Variants in SFMBT1 observed in about 807,000 individuals in gnomAD.
The protein encoded by SFMBT1 is scm-like with four MBT domains protein 1.
A neutral mutation model predicts 108.7 loss-of-function variants in SFMBT1; 32 were observed. The observed-to-expected ratio is 0.29, with a 90% CI of 0.22 to 0.40. The LOEUF (loss-of-function observed/expected upper bound fraction) is 0.40. Ranked by LOEUF, SFMBT1 falls within the 10% of genes least tolerant of loss-of-function variation. The pLI is 1.00. For missense variants in SFMBT1, 816 were observed against 1,059.6 expected (o/e 0.77, Z 3.19); for synonymous variants, 348 against 369.5 (o/e 0.94, Z 0.67).
At chr3:52,959,379 T>C (rs1360283508) in intron 2 of SFMBT1, among the ~76,000 whole-genome samples, 1 of 152,148 alleles carries the variant, frequency 6.6e-6, no homozygotes, top group Non-Finnish European at 1.5e-5. Context: ...ACCTTTCAAT[T>C]ACACTTAAAA....
chr3:52,944,483 T>G (rs1438500441), intron 3 of SFMBT1, among the ~76,000 whole-genome samples: 1 of 152,192 alleles, frequency 6.6e-6, no homozygotes, highest in East Asian at 1.9e-4. Context: ...GTAGTCACAG[T>G]AAGCAAATAT....
At chr3:53,035,883 G>A (rs897269096) in intron 1 of SFMBT1, among the ~76,000 whole-genome samples, 5 of 152,180 alleles carry the variant, frequency 3.3e-5, no homozygotes, top group Admixed American at 1.3e-4. Flanking sequence ...GTGAGCAACC[G>A]CACCCGGCCA....
intron 3 of SFMBT1, among the ~76,000 whole-genome samples, chr3:52,944,244 G>A (rs1278825799): frequency 6.6e-6 from 1 of 152,140 alleles, no homozygotes; most frequent in Non-Finnish European, 1.5e-5. Flanking sequence ...TCTCACCATG[G>A]GAAAAAGAAG....
At chr3:52,914,157 T>C (rs970489203) in intron 14 of SFMBT1, among the ~76,000 whole-genome samples, 2 of 152,156 alleles carry the variant, frequency 1.3e-5, no homozygotes, top group Non-Finnish European at 2.9e-5. Flanking sequence ...AAGTTTTTTT[T>C]GTACTGTGGG....
chr3:53,023,215 A>C (rs1343341550), intron 1 of SFMBT1, among the ~76,000 whole-genome samples: 1 of 152,188 alleles, frequency 6.6e-6, no homozygotes, highest in Admixed American at 6.6e-5. Flanking sequence ...ACAGAGATCT[A>C]ATCTGGGACA....
chr3:52,940,641 TG>T (rs1368364494), intron 4 of SFMBT1, among the ~76,000 whole-genome samples: 5 of 152,180 alleles, frequency 3.3e-5, no homozygotes, highest in African/African-American at 4.8e-5. Context: ...AAACACCATT[TG>T]GTAATTATTG....
chr3:53,034,061 ACT>A (rs1278364777), intron 1 of SFMBT1, among the ~76,000 whole-genome samples: 3 of 136,954 alleles, frequency 2.2e-5, no homozygotes, highest in African/African-American at 8.2e-5. Flanking sequence ...CAAGAGCAAA[ACT>A]CTGTCTCCAA....
intron 3 of SFMBT1, 88 bp downstream of exon 3, chr3:52,954,229 T>C (rs1405508225): frequency 2.8e-6 from 3 of 1,065,706 alleles, no homozygotes; most frequent in African/African-American, 3.2e-5. Context: ...TACCACAAAT[T>C]AAAATAACTT....
At chr3:52,933,654 G>T (rs1233820093) in intron 5 of SFMBT1, among the ~76,000 whole-genome samples, 1 of 152,084 alleles carries the variant, frequency 6.6e-6, no homozygotes, top group East Asian at 1.9e-4. Flanking sequence ...GTATGTATAA[G>T]GCCCTGGCTA....
chr3:52,995,798 C>T (rs1698305388), intron 1 of SFMBT1, among the ~76,000 whole-genome samples: 2 of 149,854 alleles, frequency 1.3e-5, no homozygotes, highest in Admixed American at 1.3e-4. Flanking sequence ...CAGGTGCCAC[C>T]CCCCAGCTCA....
chr3:52,994,792 G>A lies in SFMBT1; in HGVS notation c.-130-25534C>T, dbSNP rs1000542611. On this transcript the variant is annotated intron_variant, in intron 1 of 20. Coordinates refer to ENST00000394752, the MANE Select transcript of SFMBT1 (RefSeq NM_016329.4). ...TGGGATTACAGGCATGAGCCACTAC[G>A]CCCCGCCTAGAGGAACATGTTAACC... is the stretch of plus-strand genomic sequence containing the variant. Among the ~76,000 whole-genome samples, 6 of 150,038 alleles carry A rather than the reference G, an allele frequency of 4.0e-5. 1 individual carries two copies. Among genetic ancestry groups the A allele is most frequent in the African/African-American group, 1.5e-4 (6 of 41,332 alleles).
chr3:52,966,967 T>TAC (rs1366172402), intron 2 of SFMBT1, among the ~76,000 whole-genome samples: 15 of 150,268 alleles, frequency 1.0e-4, no homozygotes, highest in Non-Finnish European at 1.8e-4. Context: ...TATATATATA[T>TAC]ACTATAATAC....
intron 10 of SFMBT1, among the ~76,000 whole-genome samples, chr3:52,925,542 A>G (rs1702634484): frequency 6.6e-6 from 1 of 152,220 alleles, no homozygotes; most frequent in South Asian, 2.1e-4. Context: ...GAAGAAATAC[A>G]AATAACTAGA....
intron 1 of SFMBT1, among the ~76,000 whole-genome samples, chr3:52,978,468 G>C (rs1360613906): frequency 6.6e-6 from 1 of 152,094 alleles, no homozygotes; most frequent in East Asian, 1.9e-4. Flanking sequence ...ATACTTACCA[G>C]GTGACCCTAC....
chr3:52,979,753 T>C (rs949624868), intron 1 of SFMBT1, among the ~76,000 whole-genome samples: 5 of 152,230 alleles, frequency 3.3e-5, no homozygotes, highest in Admixed American at 2.6e-4. Context: ...TGAACAGTCA[T>C]GGAATTCTGT....
At chr3:52,968,157 G>C (rs375523577) in intron 2 of SFMBT1, among the ~76,000 whole-genome samples, 1 of 152,198 alleles carries the variant, frequency 6.6e-6, no homozygotes, top group Non-Finnish European at 1.5e-5. Context: ...TGGATGTCAA[G>C]GGCATTATTA....
intron 1 of SFMBT1, among the ~76,000 whole-genome samples, chr3:53,033,411 T>C (rs1182977653): frequency 6.6e-6 from 1 of 152,072 alleles, no homozygotes; most frequent in Non-Finnish European, 1.5e-5. Context: ...TCCACCCGCC[T>C]CGGCCTCCCA....
At chr3:52,949,590 T>C (rs911604986) in intron 3 of SFMBT1, among the ~76,000 whole-genome samples, 1 of 143,520 alleles carries the variant, frequency 7.0e-6, no homozygotes, top group Admixed American at 7.0e-5. Flanking sequence ...TTTTTTTTTT[T>C]TTTTTGAGAC....
chr3:52,989,290 T>C (rs1373182972), intron 1 of SFMBT1, among the ~76,000 whole-genome samples: 2 of 152,016 alleles, frequency 1.3e-5, no homozygotes, highest in Non-Finnish European at 2.9e-5. Context: ...ATGCTACTAA[T>C]GGTCATGTTT....
Sources: gnomAD v4.1 joint callset for allele counts (sites outside exome capture counted in the v4.1 genomes callset) on GRCh38, gnomAD v4.1.1 for gene constraint, MANE v1.5 for transcripts, NCBI Gene and HGNC (gene_info 2026-07-23, HGNC 2026-07-21) for gene names.